The following PPP6R3 variants were observed in gnomAD, a reference collection of about 807,000 sequenced individuals.
The protein encoded by PPP6R3 is serine/threonine-protein phosphatase 6 regulatory subunit 3.
Under a neutral mutation model 110.7 loss-of-function variants are expected in PPP6R3, and 38 were observed. The ratio of observed to expected loss-of-function variants is 0.34; its 90% confidence interval spans 0.26 to 0.45. The LOEUF (loss-of-function observed/expected upper bound fraction) is 0.45. PPP6R3 is among the 20% of genes least tolerant of loss of function. The pLI, the probability that PPP6R3 is intolerant of heterozygous loss-of-function variation, is 1.00. For missense variants in PPP6R3, 870 were observed against 1,062.4 expected (o/e 0.82, Z 2.52); for synonymous variants, 369 against 373.5 (o/e 0.99, Z 0.14).
At chr11:68,498,372 T>C (rs956468879) in intron 1 of PPP6R3, among the ~76,000 whole-genome samples, 3 of 152,144 alleles carry the variant, frequency 2.0e-5, no homozygotes, top group Non-Finnish European at 4.4e-5. Flanking sequence ...ATTTCCCACT[T>C]CTCTTCTATA....
chr11:68,545,089 A>C, intron 4 of PPP6R3, 65 bp downstream of exon 4: 2 of 1,285,630 alleles, frequency 1.6e-6, no homozygotes, highest in Non-Finnish European at 2.1e-6. Context: ...ATCCCCCAGT[A>C]CTTGTTGCTT....
intron 22 of PPP6R3, among the ~76,000 whole-genome samples, chr11:68,606,218 A>T (rs1393408066): frequency 6.6e-6 from 1 of 152,184 alleles, no homozygotes; most frequent in African/African-American, 2.4e-5. Context: ...ATAAGGTTCC[A>T]TAGCTATATA....
chr11:68,602,025 C>A, intron 21 of PPP6R3, 56 bp downstream of exon 21: 1 of 1,389,888 alleles, frequency 7.2e-7, no homozygotes, highest in Non-Finnish European at 9.9e-7. Context: ...TTTGTCAAAC[C>A]AGACCTGATT....
At chr11:68,583,185 T>C (rs1291983135) in intron 15 of PPP6R3, 56 bp downstream of exon 15, 1 of 1,306,656 alleles carries the variant, frequency 7.7e-7, no homozygotes, top group African/African-American at 1.5e-5. Flanking sequence ...TTAGTTTAGT[T>C]GCCTTTTATG....
intron 18 of PPP6R3, among the ~76,000 whole-genome samples, chr11:68,593,968 A>G (rs2099603492): frequency 6.6e-6 from 1 of 152,148 alleles, no homozygotes; most frequent in Non-Finnish European, 1.5e-5. Context: ...ACAAAAAACA[A>G]AGATGGTCAG....
chr11:68,467,997 C>T (rs1321595193), intron 1 of PPP6R3, among the ~76,000 whole-genome samples: 1 of 152,150 alleles, frequency 6.6e-6, no homozygotes, highest in African/African-American at 2.4e-5. Flanking sequence ...TGGTCTCAAA[C>T]TCCTGACCTC....
At chr11:68,506,125 C>A (rs1013969398) in intron 1 of PPP6R3, among the ~76,000 whole-genome samples, 9 of 143,920 alleles carry the variant, frequency 6.3e-5, no homozygotes, top group East Asian at 4.7e-4. Context: ...TTTGCCATTA[C>A]TTTTAATTGC....
intron 1 of PPP6R3, among the ~76,000 whole-genome samples, chr11:68,485,572 TGA>T (rs1410297225): frequency 6.6e-6 from 1 of 152,242 alleles, no homozygotes; most frequent in Non-Finnish European, 1.5e-5. Context: ...CCTAGTTTTC[TGA>T]GTGTTTTTTG....
chr11:68,515,438 G>T (rs941348878), intron 1 of PPP6R3, among the ~76,000 whole-genome samples: 1 of 152,258 alleles, frequency 6.6e-6, no homozygotes, highest in Admixed American at 6.5e-5. Context: ...AGGCGGTAGG[G>T]GGGCAGCAAT....
At chr11:68,489,544 CTGTGTGTTTGTGTGTGTG>C (rs1565368918) in intron 1 of PPP6R3, among the ~76,000 whole-genome samples, 1 of 63,310 alleles carries the variant, frequency 1.6e-5, no homozygotes, top group East Asian at 5.5e-4. Flanking sequence ...TTTGCAGATA[CTGTGTGTTTGTGTGTGTG>C]TGTGTGTGTG....
intron 1 of PPP6R3, among the ~76,000 whole-genome samples, chr11:68,483,233 G>A (rs908709500): frequency 3.9e-5 from 6 of 152,126 alleles, no homozygotes; most frequent in Admixed American, 2.6e-4. Context: ...AATGAGATAC[G>A]ACATTGCTTT....
chr11:68,587,725 G>C, intron 15 of PPP6R3: 1 of 649,186 alleles, frequency 1.5e-6, no homozygotes. Flanking sequence ...GCATTAGAAT[G>C]ATTTGTAGAC....
At chr11:68,486,176 T>G (rs2098945945) in intron 1 of PPP6R3, among the ~76,000 whole-genome samples, 1 of 152,176 alleles carries the variant, frequency 6.6e-6, no homozygotes, top group Non-Finnish European at 1.5e-5. Flanking sequence ...ATGTATTGAT[T>G]CAGTTTTCCC....
chr11:68,471,589 G>C (rs1357397388), intron 1 of PPP6R3, among the ~76,000 whole-genome samples: 1 of 152,162 alleles, frequency 6.6e-6, no homozygotes, highest in Admixed American at 6.5e-5. Flanking sequence ...GCCTGGAAGG[G>C]AGCATTCACA....
At position 68,564,382 on chromosome 11, in the gene PPP6R3, A is replaced by G. The variant is rs1257370983; in HGVS notation, c.925A>G (p.Ile309Val). Residue 309 changes from isoleucine (I) to valine (V), a missense_variant, in exon 9 of 24, where the codon ATC becomes GTC. Transcript: ENST00000393800. ...CSVNKSVLEA[I>V]RGRLGSFHEL... ...AGTAAACAAGAGTGTTCTAGAAGCC[A>G]TCAGAGGAAGACTTGGATCTTTTCA... The G allele has an allele frequency of 8.1e-6, 13 of 1,613,800 alleles. No homozygotes were observed. Among genetic ancestry groups the G allele is most frequent in the Non-Finnish European group, 1.1e-5 (13 of 1,179,750 alleles).
chr11:68,522,315 A>C (rs2099168045), intron 2 of PPP6R3, among the ~76,000 whole-genome samples: 1 of 152,242 alleles, frequency 6.6e-6, no homozygotes, highest in African/African-American at 2.4e-5. Context: ...TGGAGAGCTC[A>C]TCTCCTACAG....
chr11:68,537,912 C>A, intron 3 of PPP6R3, 21 bp downstream of exon 3: 1 of 1,558,212 alleles, frequency 6.4e-7, no homozygotes, highest in South Asian at 1.1e-5. Flanking sequence ...TCAATCTTCT[C>A]TGTAGAGTGG....
chr11:68,592,407 CAA>C (rs1237540193), intron 18 of PPP6R3, among the ~76,000 whole-genome samples: 1 of 152,164 alleles, frequency 6.6e-6, no homozygotes, highest in East Asian at 1.9e-4. Flanking sequence ...CAAAGGGAAT[CAA>C]AGAGTATGCA....
At chr11:68,507,118 CAAT>C (rs1312150210) in intron 1 of PPP6R3, among the ~76,000 whole-genome samples, 2 of 152,122 alleles carry the variant, frequency 1.3e-5, no homozygotes, top group East Asian at 1.9e-4. Flanking sequence ...CATAGCCAAA[CAAT>C]GATGTAGTCC....
Sources: gnomAD v4.1 joint callset for allele counts (sites outside exome capture counted in the v4.1 genomes callset) on GRCh38, gnomAD v4.1.1 for gene constraint, MANE v1.5 for transcripts, NCBI Gene and HGNC (gene_info 2026-07-23, HGNC 2026-07-21) for gene names.